The following KCNIP4 variants were observed in gnomAD, a reference collection of about 807,000 sequenced individuals.
KCNIP4 encodes potassium voltage-gated channel interacting protein 4.
KCNIP4 carries 12 observed loss-of-function variants against 34.0 expected under a neutral mutation model. The observed-to-expected ratio is 0.35, with a 90% CI of 0.23 to 0.57. The LOEUF (loss-of-function observed/expected upper bound fraction) is 0.57, where lower values mean the gene tolerates loss of function less well. Among genes scored for constraint, KCNIP4 ranks in the 20% least tolerant of loss-of-function variants. The pLI is 0.83. For synonymous variants in KCNIP4, 124 were observed against 102.2 expected, an observed-to-expected ratio of 1.21 and a Z score of -1.29; for missense variants, 238 against 311.7, an observed-to-expected ratio of 0.76 and a Z score of 1.78.
rs751253132 is a variant in KCNIP4 at position 21,836,651 on chromosome 4, AC to A, written c.61+111919del. Among the ~76,000 whole-genome samples, 10 of 152,176 alleles carry A rather than the reference AC, an allele frequency of 6.6e-5. No homozygotes were observed. The South Asian group carries it at 1.2e-3, about 19-fold the overall frequency. ...TGTAAAAAATGCTGGTCTCTAAAGG[AC>A]AGGGGAATGTTGTTATGGAAAGAAA... On this transcript the variant is annotated intron_variant, in intron 1 of 8. Transcript: ENST00000382152.
intron 1 of KCNIP4, among the ~76,000 whole-genome samples, chr4:21,755,287 G>A (rs889634272): frequency 6.6e-6 from 1 of 152,178 alleles, no homozygotes; most frequent in Non-Finnish European, 1.5e-5. Flanking sequence ...CACCAAGGTG[G>A]TTGGCAGAAG....
At chr4:21,549,600 C>T (rs1033443250) in intron 1 of KCNIP4, among the ~76,000 whole-genome samples, 1 of 151,946 alleles carries the variant, frequency 6.6e-6, no homozygotes, top group Non-Finnish European at 1.5e-5. Flanking sequence ...GAACTGTGAC[C>T]CAACTAAACA....
At chr4:21,502,557 C>T (rs1036028880) in intron 1 of KCNIP4, among the ~76,000 whole-genome samples, 6 of 152,042 alleles carry the variant, frequency 3.9e-5, no homozygotes, top group African/African-American at 1.4e-4. Context: ...TTTGATTTAG[C>T]CACACTTGCC....
At chr4:21,388,876 T>A (rs4618301) in intron 1 of KCNIP4, among the ~76,000 whole-genome samples, 132,695 of 152,150 alleles carry the variant, frequency 0.87, 58,003 homozygotes, top group Non-Finnish European at 0.9. Context: ...ACATGTAATA[T>A]CTTTATTTAT....
chr4:21,583,762 A>G (rs1424825203), intron 1 of KCNIP4, among the ~76,000 whole-genome samples: 1 of 152,062 alleles, frequency 6.6e-6, no homozygotes, highest in Non-Finnish European at 1.5e-5. Context: ...CCAAATGAGT[A>G]GATGATTTTA....
intron 1 of KCNIP4, among the ~76,000 whole-genome samples, chr4:21,755,318 A>G (rs896928967): frequency 1.3e-5 from 2 of 152,314 alleles, no homozygotes; most frequent in Middle Eastern, 3.4e-3. Context: ...AATAAATGTA[A>G]CGTTTCTGGC....
chr4:21,336,158 A>C (rs980843030), intron 1 of KCNIP4, among the ~76,000 whole-genome samples: 1 of 152,160 alleles, frequency 6.6e-6, no homozygotes, highest in Middle Eastern at 3.2e-3. Flanking sequence ...ATTTATTTAC[A>C]TTGATACGTG....
intron 1 of KCNIP4, among the ~76,000 whole-genome samples, chr4:21,714,798 TA>T (rs1259925035): frequency 0.18 from 84 of 478 alleles, 4 homozygotes; most frequent in African/African-American, 0.23. Flanking sequence ...TATTTTATTT[TA>T]TTTTATTTTA....
chr4:21,329,957 T>A (rs1339489427), intron 1 of KCNIP4, among the ~76,000 whole-genome samples: 1 of 152,174 alleles, frequency 6.6e-6, no homozygotes, highest in East Asian at 1.9e-4. Context: ...TTAAGTAGAA[T>A]CTTAACATGG....
intron 1 of KCNIP4, among the ~76,000 whole-genome samples, chr4:21,141,060 A>G (rs1402682318): frequency 6.6e-6 from 1 of 152,256 alleles, no homozygotes. Context: ...AGAACAAGTC[A>G]GACAAACTTT....
chr4:20,851,287 G>C (rs1385151989), intron 2 of KCNIP4, among the ~76,000 whole-genome samples: 3 of 152,084 alleles, frequency 2.0e-5, no homozygotes, highest in Non-Finnish European at 4.4e-5. Flanking sequence ...TGCAGTGTTT[G>C]GTTTTCTGTT....
At chr4:21,304,020 G>C (rs1443184359) in intron 1 of KCNIP4, 63 of 922,368 alleles carry the variant, frequency 6.8e-5, no homozygotes, top group Non-Finnish European at 8.7e-5. Context: ...AAGGGGAGGA[G>C]GAGAGCGTAT....
At chr4:21,126,951 A>G (rs539359492) in intron 1 of KCNIP4, among the ~76,000 whole-genome samples, 12 of 152,362 alleles carry the variant, frequency 7.9e-5, no homozygotes, top group African/African-American at 2.9e-4. Flanking sequence ...CTCTCTGTCA[A>G]GGTCAGGCAT....
chr4:21,020,778 T>G (rs114547979), intron 1 of KCNIP4, among the ~76,000 whole-genome samples: 2,815 of 152,252 alleles, frequency 0.018, 79 homozygotes, highest in African/African-American at 0.063. Context: ...ATTGAGTGAA[T>G]GAATAGAGAC....
At chr4:20,812,397 A>T (rs536789238) in intron 3 of KCNIP4, among the ~76,000 whole-genome samples, 32 of 152,280 alleles carry the variant, frequency 2.1e-4, no homozygotes, top group Middle Eastern at 3.4e-3. Flanking sequence ...TGGCTACACG[A>T]TACCTTTGAG....
At chr4:20,843,535 G>A (rs951701188) in intron 3 of KCNIP4, among the ~76,000 whole-genome samples, 3 of 152,112 alleles carry the variant, frequency 2.0e-5, no homozygotes, top group African/African-American at 7.2e-5. Context: ...TTCTAGACCA[G>A]CCTGGCCAAC....
At chr4:21,941,122 A>G (rs1271799504) in intron 1 of KCNIP4, among the ~76,000 whole-genome samples, 4 of 152,232 alleles carry the variant, frequency 2.6e-5, no homozygotes, top group Non-Finnish European at 5.9e-5. Context: ...CAGAATATCT[A>G]TTTGGAGATG....
At chr4:21,578,299 C>T (rs968934630) in intron 1 of KCNIP4, among the ~76,000 whole-genome samples, 1 of 132,356 alleles carries the variant, frequency 7.6e-6, no homozygotes, top group Non-Finnish European at 1.5e-5. Flanking sequence ...CGCCACTGCA[C>T]TCCAACCTGG....
intron 1 of KCNIP4, among the ~76,000 whole-genome samples, chr4:21,378,289 ACTAT>A (rs1721166054): frequency 6.6e-6 from 1 of 152,214 alleles, no homozygotes; most frequent in Non-Finnish European, 1.5e-5. Context: ...AAATGTTAGC[ACTAT>A]CTTTTAATAT....
Sources: gnomAD v4.1 joint callset for allele counts (sites outside exome capture counted in the v4.1 genomes callset) on GRCh38, gnomAD v4.1.1 for gene constraint, MANE v1.5 for transcripts, NCBI Gene and HGNC (gene_info 2026-07-23, HGNC 2026-07-21) for gene names.